Variants in STRN3 observed in about 807,000 individuals in gnomAD.
STRN3 encodes the protein striatin 3, also known as striatin-3.
In STRN3, 29 loss-of-function variants were observed where a neutral mutation model predicts 95.6. That is an observed-to-expected ratio of 0.30 (90% CI 0.23 to 0.41). The LOEUF (loss-of-function observed/expected upper bound fraction) is 0.41, where lower values mean the gene tolerates loss of function less well. Ranked by LOEUF, STRN3 falls within the 10% of genes least tolerant of loss-of-function variation. The pLI is 1.00. For missense variants in STRN3, 890 were observed against 972.1 expected (o/e 0.92, Z 1.12); for synonymous variants, 331 against 357.6 (o/e 0.93, Z 0.84).
chr14:30,914,662 C>T (rs1220356005), intron 9 of STRN3, among the ~76,000 whole-genome samples: 1 of 148,042 alleles, frequency 6.8e-6, no homozygotes, highest in African/African-American at 2.5e-5. Flanking sequence ...TGTCTTCCAG[C>T]TTTAAAGCTT....
intron 1 of STRN3, among the ~76,000 whole-genome samples, chr14:30,969,943 C>A (rs528391305): frequency 1.3e-5 from 2 of 152,244 alleles, no homozygotes; most frequent in Admixed American, 6.5e-5. Flanking sequence ...GACTGCTGTT[C>A]GTACAGCGAA....
At chr14:30,937,570 A>AGAACC (rs1878884267) in intron 5 of STRN3, among the ~76,000 whole-genome samples, 1 of 152,198 alleles carries the variant, frequency 6.6e-6, no homozygotes, top group Admixed American at 6.5e-5. Flanking sequence ...AAAGGTTTTC[A>AGAACC]TACAGTTGTT....
At chr14:30,905,341 G>A in intron 15 of STRN3, 77 bp downstream of exon 15, 1 of 1,344,526 alleles carries the variant, frequency 7.4e-7, no homozygotes, top group Non-Finnish European at 9.8e-7. Flanking sequence ...GTGAAAATAT[G>A]AAAATTAGCT....
At chr14:30,925,298 T>C (rs147193566) in intron 8 of STRN3, among the ~76,000 whole-genome samples, 23 of 152,176 alleles carry the variant, frequency 1.5e-4, no homozygotes, top group African/African-American at 5.1e-4. Context: ...ACAGAAACTT[T>C]AACTTAGCAC....
chr14:30,993,193 T>C (rs2139266372), intron 1 of STRN3, among the ~76,000 whole-genome samples: 1 of 150,040 alleles, frequency 6.7e-6, no homozygotes, highest in South Asian at 2.1e-4. Context: ...AGGTTGAGGT[T>C]GCAGTGAGCT....
intron 13 of STRN3, among the ~76,000 whole-genome samples, chr14:30,910,373 G>A (rs1359910429): frequency 6.6e-6 from 1 of 152,086 alleles, no homozygotes; most frequent in Non-Finnish European, 1.5e-5. Context: ...TCTTGACATA[G>A]TGCTTACCAC....
At chr14:30,946,672 T>A (rs932533843) in intron 5 of STRN3, among the ~76,000 whole-genome samples, 5 of 152,126 alleles carry the variant, frequency 3.3e-5, no homozygotes, top group Non-Finnish European at 7.4e-5. Flanking sequence ...CTGAACTCGA[T>A]CTGCTTTAAA....
At chr14:31,008,822 C>G (rs780631952) in intron 1 of STRN3, among the ~76,000 whole-genome samples, 2 of 152,036 alleles carry the variant, frequency 1.3e-5, no homozygotes, top group Non-Finnish European at 2.9e-5. Context: ...GTGGATCACT[C>G]AAGGTCAGGA....
chr14:30,907,116 C>CT (rs1210849453), intron 13 of STRN3, 72 bp from the exon 14 acceptor site: 1 of 1,536,328 alleles, frequency 6.5e-7, no homozygotes, highest in Admixed American at 2.0e-5. Flanking sequence ...ATAAAGAAAA[C>CT]TTACCATATA....
At chr14:31,000,518 A>T (rs1204516521) in intron 1 of STRN3, among the ~76,000 whole-genome samples, 4 of 334 alleles carry the variant, frequency 0.012, no homozygotes, top group Non-Finnish European at 0.033. Flanking sequence ...AGAATCTTTA[A>T]AAAAAAAAAA....
chr14:30,967,547 A>G lies in STRN3; in HGVS notation c.283-11305T>C, dbSNP rs370287893. Among the ~76,000 whole-genome samples the G allele has an allele frequency of 3.3e-5, 5 of 152,378 alleles. No individual in the cohort carries two copies. The East Asian group carries it at 9.6e-4, about 29-fold the overall frequency. ...GCCCAAAAGCACTGAGGACACTGAC[A>G]ACCCGTAGCCTTCCTATCAAAAATC... On this transcript the variant is annotated intron_variant, in intron 1 of 17. Coordinates refer to ENST00000357479, the MANE Select transcript of STRN3 (RefSeq NM_001083893.2).
At chr14:31,010,961 C>A (rs1343480195) in intron 1 of STRN3, among the ~76,000 whole-genome samples, 1 of 152,196 alleles carries the variant, frequency 6.6e-6, no homozygotes, top group Non-Finnish European at 1.5e-5. Flanking sequence ...ATCACTTGAA[C>A]CCAGGCAGCA....
At chr14:30,989,560 A>T (rs1056928855) in intron 1 of STRN3, among the ~76,000 whole-genome samples, 1 of 152,092 alleles carries the variant, frequency 6.6e-6, no homozygotes, top group African/African-American at 2.4e-5. Flanking sequence ...TCCCAGATTC[A>T]CGCCATTCTC....
At chr14:30,974,664 T>C (rs1594523475) in intron 1 of STRN3, among the ~76,000 whole-genome samples, 1 of 147,468 alleles carries the variant, frequency 6.8e-6, no homozygotes, top group South Asian at 2.1e-4. Flanking sequence ...ATTTGTCAGG[T>C]GCTATGGCAC....
chr14:30,971,334 T>C (rs570449682), intron 1 of STRN3, among the ~76,000 whole-genome samples: 24 of 152,200 alleles, frequency 1.6e-4, no homozygotes, highest in Non-Finnish European at 3.2e-4. Context: ...GAGAAGCCCC[T>C]TATAGGTCTT....
At chr14:30,952,561 A>G (rs1168088901) in intron 3 of STRN3, among the ~76,000 whole-genome samples, 1 of 151,840 alleles carries the variant, frequency 6.6e-6, no homozygotes, top group Non-Finnish European at 1.5e-5. Flanking sequence ...TTAGCCAGGC[A>G]TGGTGGCACG....
At chr14:30,912,337 A>T (rs1382562726) in intron 10 of STRN3, 155 bp from the exon 11 acceptor site, 4 of 590,494 alleles carry the variant, frequency 6.8e-6, no homozygotes, top group Admixed American at 7.4e-5. Flanking sequence ...AAAACTTTCT[A>T]AAAAAACTTT....
chr14:31,025,817 G>A, intron 1 of STRN3, 87 bp downstream of exon 1: 3 of 1,521,600 alleles, frequency 2.0e-6, no homozygotes, highest in East Asian at 2.5e-5. Flanking sequence ...CCAAGGCGCC[G>A]GCTCCGGCTG....
chr14:30,992,565 TAAA>T (rs58987293), intron 1 of STRN3, among the ~76,000 whole-genome samples: 56,992 of 94,446 alleles, frequency 0.6, 17,493 homozygotes, highest in Non-Finnish European at 0.69. Flanking sequence ...CCTGTCTCTT[TAAA>T]AAAAAAAAAA....
Sources: allele counts gnomAD v4.1 joint callset (sites outside exome capture counted in the v4.1 genomes callset), GRCh38; gene constraint gnomAD v4.1.1; transcripts MANE v1.5; gene names NCBI Gene and HGNC (gene_info 2026-07-23, HGNC 2026-07-21).